The following UBQLN1 variants were observed in gnomAD, a reference collection of about 807,000 sequenced individuals.
UBQLN1 encodes ubiquilin-1.
UBQLN1 carries 13 observed loss-of-function variants against 65.4 expected under a neutral mutation model. The ratio of observed to expected loss-of-function variants is 0.20; its 90% CI spans 0.13 to 0.32. The LOEUF (loss-of-function observed/expected upper bound fraction) is 0.32. Ranked by LOEUF, UBQLN1 falls within the 10% of genes least tolerant of loss-of-function variation. The pLI is 1.00. For missense variants in UBQLN1, 561 were observed against 724.0 expected, an observed-to-expected ratio of 0.77 and a Z score of 2.58; for synonymous variants, 267 against 247.8, an observed-to-expected ratio of 1.08 and a Z score of -0.73.
intron 1 of UBQLN1, among the ~76,000 whole-genome samples, chr9:83,696,824 G>T (rs1025014082): frequency 1.3e-5 from 2 of 152,304 alleles, no homozygotes; most frequent in African/African-American, 2.4e-5. Context: ...GTACTCGGGG[G>T]CAGGGGGGCT....
chr9:83,668,389 C>T (rs959203755), intron 7 of UBQLN1: 8 of 985,312 alleles, frequency 8.1e-6, no homozygotes, highest in East Asian at 1.1e-4. Flanking sequence ...CCATTTTTAA[C>T]GAACAGCAAA....
rs1831603550 is a variant in UBQLN1 at position 83,663,979 on chromosome 9, C to T, written c.1513G>A (p.Ala505Thr). The T allele has an allele frequency of 1.2e-6, 2 of 1,614,114 alleles. No homozygotes were observed. Among genetic ancestry groups the T allele is most frequent in the Non-Finnish European group, 1.7e-6 (2 of 1,179,998 alleles). Residue 505 changes from alanine to threonine, a missense_variant, in exon 10 of 11, where the codon GCC (alanine) becomes ACC (threonine). Coordinates refer to ENST00000376395, the MANE Select transcript of UBQLN1 (RefSeq NM_013438.5). Reference sequence around the variant, plus strand: ...GGACTTGTGTTTTCACTAGGTGTGGCGTTAGATCCATTAGTTCCCGAAGAG... The same window carrying T: ...GGACTTGTGTTTTCACTAGGTGTGGTGTTAGATCCATTAGTTCCCGAAGAG... ...GGSSGTNGSN[A>T]TPSENTSPTA...
chr9:83,693,953 G>A (rs993635893), intron 1 of UBQLN1, among the ~76,000 whole-genome samples: 2 of 152,132 alleles, frequency 1.3e-5, no homozygotes, highest in African/African-American at 4.8e-5. Context: ...AATTTCCTGG[G>A]CACAATTCAT....
At chr9:83,694,758 T>TATAA (rs1423936420) in intron 1 of UBQLN1, among the ~76,000 whole-genome samples, 1 of 152,122 alleles carries the variant, frequency 6.6e-6, no homozygotes, top group Non-Finnish European at 1.5e-5. Flanking sequence ...AAGAAACCAA[T>TATAA]ATAAGTAAAT....
chr9:83,695,237 C>T (rs1372457094), intron 1 of UBQLN1, among the ~76,000 whole-genome samples: 2 of 141,676 alleles, frequency 1.4e-5, no homozygotes, highest in South Asian at 2.3e-4. Flanking sequence ...CTCACTCTGT[C>T]GCCCAGGCTG....
At chr9:83,675,467 TC>T (rs1831816956) in intron 6 of UBQLN1, among the ~76,000 whole-genome samples, 2 of 126,594 alleles carry the variant, frequency 1.6e-5, no homozygotes, top group Admixed American at 7.5e-5. Context: ...TCCTATGCCG[TC>T]AAAAAAAAAA....
Position 83,670,342 on chromosome 9 carries a change from C to T in UBQLN1, c.1106-1015G>A, listed in dbSNP as rs373503602. On this transcript the variant is annotated intron_variant, in intron 6 of 10. Transcript: ENST00000376395. ...TATTATAATTCTGTTTTTAATAGTT[C>T]TTGTTTTTCCTATTTTCTCATGTTG... is the stretch of plus-strand genomic sequence containing the variant. 4.1e-4 allele frequency among the ~76,000 whole-genome samples: 63 copies of T among 152,036 alleles called. 1 individual carries two copies. Among genetic ancestry groups the T allele is most frequent in the African/African-American group, 1.5e-3 (62 of 41,476 alleles).
chr9:83,680,273 T>C (rs1005538677), intron 3 of UBQLN1, among the ~76,000 whole-genome samples: 2 of 152,200 alleles, frequency 1.3e-5, no homozygotes, highest in African/African-American at 4.8e-5. Flanking sequence ...TTTTCATGTA[T>C]GTAGTATAAT....
intron 10 of UBQLN1, among the ~76,000 whole-genome samples, chr9:83,663,534 TCCTC>T (rs909713280): frequency 2.0e-5 from 3 of 152,182 alleles, no homozygotes; most frequent in Non-Finnish European, 2.9e-5. Context: ...AAGTTTCCAT[TCCTC>T]CCTAAGAACT....
chr9:83,691,077 G>C (rs1273222696), intron 1 of UBQLN1, among the ~76,000 whole-genome samples: 2 of 152,052 alleles, frequency 1.3e-5, no homozygotes, highest in Admixed American at 6.6e-5. Flanking sequence ...GGCAGAGATT[G>C]CAGTGAGCCA....
intron 1 of UBQLN1, among the ~76,000 whole-genome samples, chr9:83,690,876 G>C (rs751302087): frequency 6.6e-6 from 1 of 152,172 alleles, no homozygotes; most frequent in African/African-American, 2.4e-5. Context: ...AGTGGCTCAC[G>C]CTTGTAATCC....
At chr9:83,678,840 C>T (rs1311865045) in intron 4 of UBQLN1, among the ~76,000 whole-genome samples, 1 of 152,172 alleles carries the variant, frequency 6.6e-6, no homozygotes, top group Non-Finnish European at 1.5e-5. Context: ...GCCTCAGCCT[C>T]CCGAGTAGCT....
intron 1 of UBQLN1, among the ~76,000 whole-genome samples, chr9:83,687,254 C>T (rs1009561798): frequency 1.3e-5 from 2 of 152,126 alleles, no homozygotes; most frequent in African/African-American, 2.4e-5. Context: ...AAAGGCTTTC[C>T]AGGGACCAGA....
At chr9:83,706,308 T>C (rs1486259218) in intron 1 of UBQLN1, among the ~76,000 whole-genome samples, 1 of 152,234 alleles carries the variant, frequency 6.6e-6, no homozygotes, top group Admixed American at 6.5e-5. Context: ...CATATGTGTA[T>C]CCACTTCCCA....
intron 9 of UBQLN1, 107 bp downstream of exon 9, chr9:83,664,923 C>CAAAAAA (rs539581441): frequency 6.5e-5 from 15 of 231,774 alleles, no homozygotes; most frequent in South Asian, 2.7e-4. Flanking sequence ...TGTATCCCAC[C>CAAAAAA]AAAAAAAAAA....
chr9:83,671,308 A>T (rs1328400814), intron 6 of UBQLN1, among the ~76,000 whole-genome samples: 1 of 152,234 alleles, frequency 6.6e-6, no homozygotes, highest in Non-Finnish European at 1.5e-5. Flanking sequence ...TCTTAATGAC[A>T]TTGAGAATGG....
chr9:83,699,800 T>C (rs10746719), intron 1 of UBQLN1, among the ~76,000 whole-genome samples: 107,058 of 152,208 alleles, frequency 0.7, 38,522 homozygotes, highest in East Asian at 0.88. Context: ...ACCAGCCACA[T>C]GGTCTATTCT....
intron 6 of UBQLN1, 45 bp from the exon 7 acceptor site, chr9:83,669,372 A>T (rs1175100071): frequency 6.5e-7 from 1 of 1,532,644 alleles, no homozygotes; most frequent in Non-Finnish European, 8.7e-7. Flanking sequence ...AAAAATACTT[A>T]AACAAAAGTT....
chr9:83,690,509 G>A (rs1273074243), intron 1 of UBQLN1, among the ~76,000 whole-genome samples: 3 of 152,142 alleles, frequency 2.0e-5, no homozygotes, highest in African/African-American at 7.2e-5. Flanking sequence ...GTACATTTAT[G>A]ACACATGTAT....
Sources: allele counts gnomAD v4.1 joint callset (sites outside exome capture counted in the v4.1 genomes callset), GRCh38; gene constraint gnomAD v4.1.1; transcripts MANE v1.5; gene names NCBI Gene and HGNC (gene_info 2026-07-23, HGNC 2026-07-21).